MBP: variants seen among roughly 807,000 people sequenced by gnomAD.
MBP encodes myelin basic protein, also known as Golli-MBP.
MBP carries 16 observed loss-of-function variants against 35.8 expected under a neutral mutation model. The observed-to-expected ratio is 0.45, with a 90% CI of 0.30 to 0.68. The LOEUF is 0.68. Ranked by LOEUF, MBP falls within the 30% of genes least tolerant of loss-of-function variation. The pLI is 0.08. For synonymous variants in MBP, 143 were observed against 159.6 expected (o/e 0.90, Z 0.78); for missense variants, 380 against 404.7 (o/e 0.94, Z 0.52).
At chr18:77,041,554 T>C (rs540487818) in intron 3 of MBP, among the ~76,000 whole-genome samples, 2 of 151,942 alleles carry the variant, frequency 1.3e-5, no homozygotes, top group African/African-American at 4.8e-5. Flanking sequence ...ATAGACTGGA[T>C]GAAGAAAATG....
chr18:76,987,634 A>C, intron 7 of MBP: 1 of 985,844 alleles, frequency 1.0e-6, no homozygotes, highest in Non-Finnish European at 1.2e-6. Flanking sequence ...CAGAAAGTGT[A>C]GGTAGGCTCT....
intron 3 of MBP, among the ~76,000 whole-genome samples, chr18:77,063,499 A>G (rs1198875224): frequency 1.3e-5 from 2 of 151,968 alleles, no homozygotes; most frequent in Non-Finnish European, 2.9e-5. Context: ...CCTGAAGGTG[A>G]CTCTTGAGAA....
At position 76,989,881 on chromosome 18, in the gene MBP, G is replaced by A. The variant is rs569957429; in HGVS notation, c.681+75C>T. On this transcript the variant is annotated intron_variant, in intron 5 of 8. Transcript: ENST00000355994. This position sits in a 1 kb window ranked among gnomAD's most constrained non-coding sequence, Gnocchi z 4.0. ...CCACCCCCGAGCGTACGAACGTCCTGTGTGGATGACAGCAGTGGCCAGCAC... is the reference window on the plus strand; with the variant it reads ...CCACCCCCGAGCGTACGAACGTCCTATGTGGATGACAGCAGTGGCCAGCAC... The A allele has an allele frequency of 1.2e-3, 1,603 of 1,316,262 alleles. 1 individual carries two copies. Among genetic ancestry groups the A allele is most frequent in the Middle Eastern group, 2.1e-3 (8 of 3,868 alleles). The allele number at this position is 1,316,262 out of a possible 1,614,324, so 81.5% of individuals were successfully genotyped here.
At chr18:77,041,122 T>C (rs555781930) in intron 3 of MBP, among the ~76,000 whole-genome samples, 3 of 152,224 alleles carry the variant, frequency 2.0e-5, no homozygotes, top group Non-Finnish European at 2.9e-5. Context: ...GCAAAGGATA[T>C]GAACAGACAC....
intron 2 of MBP, among the ~76,000 whole-genome samples, chr18:77,077,949 T>C (rs890854919): frequency 6.6e-6 from 1 of 152,222 alleles, no homozygotes; most frequent in Non-Finnish European, 1.5e-5. Context: ...ACCATCCCTG[T>C]GGAGGGATTA....
chr18:77,015,937 G>C, intron 4 of MBP: 1 of 985,330 alleles, frequency 1.0e-6, no homozygotes, highest in East Asian at 1.1e-4. Context: ...CTTACAGGTT[G>C]TGTGAGAACA....
At chr18:77,106,394 A>AC (rs1350522470) in intron 1 of MBP, among the ~76,000 whole-genome samples, 7 of 151,972 alleles carry the variant, frequency 4.6e-5, no homozygotes, top group Non-Finnish European at 1.0e-4. Context: ...GCAGGCGGGC[A>AC]CCCCCATCAC....
At chr18:77,010,800 G>A (rs1393022792) in intron 4 of MBP, among the ~76,000 whole-genome samples, 1 of 152,144 alleles carries the variant, frequency 6.6e-6, no homozygotes, top group Non-Finnish European at 1.5e-5. Flanking sequence ...GAACTTTGAG[G>A]GCTGCAGTTG....
At chr18:77,088,891 T>A (rs1304795799) in intron 2 of MBP, among the ~76,000 whole-genome samples, 1 of 152,166 alleles carries the variant, frequency 6.6e-6, no homozygotes, top group East Asian at 1.9e-4. Flanking sequence ...GATCTCCAGA[T>A]GAGATCAGTC....
chr18:77,021,482 CTTTTTTTTT>C (rs140602815), intron 3 of MBP, among the ~76,000 whole-genome samples: 3 of 122,176 alleles, frequency 2.5e-5, no homozygotes, highest in Non-Finnish European at 5.0e-5. Context: ...GAAGATGCAC[CTTTTTTTTT>C]TTTTTTTTTT....
At chr18:77,116,130 G>A (rs1976652130) in intron 1 of MBP, among the ~76,000 whole-genome samples, 1 of 145,638 alleles carries the variant, frequency 6.9e-6, no homozygotes, top group African/African-American at 2.6e-5. Flanking sequence ...GCTGTCTCCT[G>A]AGGGGCCCCA....
chr18:76,999,819 A>G (rs1041988471), intron 4 of MBP, among the ~76,000 whole-genome samples: 4 of 152,108 alleles, frequency 2.6e-5, no homozygotes, highest in Admixed American at 2.6e-4. Flanking sequence ...TGTACTCACT[A>G]AGGTTTAAAA....
chr18:77,116,974 G>A (rs934760469), intron 1 of MBP, among the ~76,000 whole-genome samples: 5 of 152,216 alleles, frequency 3.3e-5, no homozygotes, highest in African/African-American at 1.2e-4. Flanking sequence ...GCTCCTGGCT[G>A]CTACGTGGTT....
At chr18:77,081,771 C>CACACATATATAT (rs1974918855) in intron 2 of MBP, among the ~76,000 whole-genome samples, 1 of 117,528 alleles carries the variant, frequency 8.5e-6, no homozygotes, top group Admixed American at 9.0e-5. Flanking sequence ...TATATATACA[C>CACACATATATAT]ACACACACAC....
At chr18:77,121,405 G>A (rs1183182235) in intron 1 of MBP, among the ~76,000 whole-genome samples, 1 of 152,150 alleles carries the variant, frequency 6.6e-6, no homozygotes, top group African/African-American at 2.4e-5. Flanking sequence ...TTTAGTGTTA[G>A]GACTCTTTCC....
At position 77,101,195 on chromosome 18, in the gene MBP, C is replaced by T. The variant is rs769354910; in HGVS notation, c.51+4016G>A. On this transcript the variant is annotated intron_variant, in intron 2 of 8. Transcript: ENST00000355994. The surrounding 1 kb of genome is among the most constrained non-coding windows in gnomAD (Gnocchi z 4.3). ...TGTGGGTGGGTCTTGCCCCCTGCCC[C>T]TCTCCTGGCATTGAGGCACGTCCCT... Among the ~76,000 whole-genome samples, 72 of 152,358 alleles carry T rather than the reference C, an allele frequency of 4.7e-4. No homozygotes were observed. The highest frequency in any genetic ancestry group is 2.5e-4 in the Non-Finnish European group (17 of 68,024).
intron 3 of MBP, among the ~76,000 whole-genome samples, chr18:77,049,712 G>A (rs976610772): frequency 1.8e-4 from 28 of 151,518 alleles, no homozygotes; most frequent in African/African-American, 6.8e-4. Flanking sequence ...ATGGAGTCTC[G>A]CTCTGTGGCC....
At chr18:77,118,363 TG>T (rs766672822) in intron 1 of MBP, among the ~76,000 whole-genome samples, 2 of 151,904 alleles carry the variant, frequency 1.3e-5, no homozygotes, top group East Asian at 1.9e-4. Context: ...GGCTGGATTC[TG>T]GGGGCTTTGC....
chr18:76,992,228 C>A (rs971180545), intron 4 of MBP, among the ~76,000 whole-genome samples: 1 of 152,126 alleles, frequency 6.6e-6, no homozygotes, highest in South Asian at 2.1e-4. Context: ...GGTAGGGGAA[C>A]GTTTTTGGGA....
Sources: gnomAD v4.1 joint callset for allele counts (sites outside exome capture counted in the v4.1 genomes callset) on GRCh38, gnomAD v4.1.1 for gene constraint, Gnocchi (gnomAD v3.1) non-coding constraint, MANE v1.5 for transcripts, NCBI Gene and HGNC (gene_info 2026-07-23, HGNC 2026-07-21) for gene names.